TEX10: variants seen among roughly 807,000 people sequenced by gnomAD.
TEX10 encodes testis expressed 10, also known as testis-expressed protein 10.
TEX10 carries 24 observed loss-of-function variants against 104.4 expected under a neutral mutation model. The ratio of observed to expected loss-of-function variants is 0.23; its 90% CI spans 0.17 to 0.32. TEX10 has a LOEUF of 0.32. TEX10 is among the 10% of genes least tolerant of loss of function. The pLI is 1.00. For missense variants in TEX10, 921 were observed against 1,083.9 expected, an observed-to-expected ratio of 0.85 and a Z score of 2.11; for synonymous variants, 396 against 393.4, an observed-to-expected ratio of 1.01 and a Z score of -0.08.
chr9:100,325,686 A>G (rs972200012), intron 9 of TEX10, among the ~76,000 whole-genome samples: 3 of 152,194 alleles, frequency 2.0e-5, no homozygotes, highest in East Asian at 1.9e-4. Context: ...ATGCACCATC[A>G]TGCCCAGCTA....
At chr9:100,322,988 A>G (rs962878232) in intron 9 of TEX10, among the ~76,000 whole-genome samples, 9 of 152,196 alleles carry the variant, frequency 5.9e-5, no homozygotes, top group Admixed American at 5.2e-4. Flanking sequence ...TTCCCAGGTG[A>G]TAAGCAAAGG....
At chr9:100,310,573 G>T (rs1382394772) in intron 11 of TEX10, among the ~76,000 whole-genome samples, 194 bp from the exon 12 acceptor site, 1 of 152,048 alleles carries the variant, frequency 6.6e-6, no homozygotes, top group Non-Finnish European at 1.5e-5. Context: ...CAGTAGCTGG[G>T]ACTACAGGTG....
chr9:100,330,479 C>G (rs1387548772), intron 5 of TEX10, among the ~76,000 whole-genome samples: 2 of 151,990 alleles, frequency 1.3e-5, no homozygotes, highest in Non-Finnish European at 2.9e-5. Context: ...ACTTAAAAAC[C>G]CTGACACACC....
chr9:100,302,625 T>C (rs1834019306), intron 14 of TEX10, among the ~76,000 whole-genome samples: 1 of 152,142 alleles, frequency 6.6e-6, no homozygotes, highest in East Asian at 1.9e-4. Flanking sequence ...TAGTGTCTCA[T>C]GATCTTTACC....
chr9:100,323,306 T>G (rs1834619047), intron 9 of TEX10, among the ~76,000 whole-genome samples: 1 of 152,172 alleles, frequency 6.6e-6, no homozygotes. Flanking sequence ...TGGCGCTGAT[T>G]ATGCTGGGCC....
chr9:100,304,859 A>G (rs1834106050), intron 13 of TEX10: 3 of 152,224 alleles, frequency 2.0e-5, no homozygotes, highest in Admixed American at 2.0e-4. Context: ...TCCGTCTCAA[A>G]AAAAAAAATT....
At chr9:100,341,717 G>C (rs73658714) in intron 4 of TEX10, among the ~76,000 whole-genome samples, 2,077 of 152,198 alleles carry the variant, frequency 0.014, 33 homozygotes, top group African/African-American at 0.048. Flanking sequence ...CAGCCAGGGT[G>C]ATCTTTTAAA....
Position 100,346,159 on chromosome 9 carries a change from T to C in TEX10, c.1050A>G (p.Arg350=). The change falls in exon 4 of 15, where the codon CGA becomes CGG. Residue 350 remains arginine (R), a synonymous_variant. Transcript: ENST00000374902. ...LATPVGNGIE[R]EPLQVMQQVL... is the part of the protein sequence containing the mutation. ...CTTGCTGCATAACCTGTAGAGGTTC[T>C]CGTTCTATACCATTCCCAACAGGAG... 1 of 1,614,080 alleles carries C rather than the reference T, an allele frequency of 6.2e-7. No individual in the cohort carries two copies. Among genetic ancestry groups the C allele is most frequent in the Non-Finnish European group, 8.5e-7 (1 of 1,179,970 alleles).
At chr9:100,332,576 C>T (rs1834893338) in intron 5 of TEX10, among the ~76,000 whole-genome samples, 1 of 152,086 alleles carries the variant, frequency 6.6e-6, no homozygotes, top group Non-Finnish European at 1.5e-5. Flanking sequence ...AATCCCAACA[C>T]TCTGGGAGGC....
chr9:100,320,265 C>A lies in TEX10; in HGVS notation c.2202G>T (p.Glu734Asp). ...AGTTTCTTTTTAAATGAACTATTAC[C>A]TCTGTTACATCCCAGTGGTGTAAAA... ...DQFLHHWDVT[E>D]AVFHSLLVIP... is the part of the protein sequence containing the mutation. The change falls in exon 11 of 15, where the codon GAG becomes GAT. Residue 734 changes from glutamate to aspartate, a missense_variant and splice_region_variant. This residue lies in a region of TEX10 where 753 missense variants were observed against 868.4 expected (regional missense o/e 0.87). Coordinates refer to ENST00000374902, the MANE Select transcript of TEX10 (RefSeq NM_017746.4). 6.2e-7 allele frequency: 1 copy of A among 1,601,402 alleles called. No homozygotes were observed. The highest frequency in any genetic ancestry group is 1.1e-5 in the South Asian group (1 of 88,550).
At chr9:100,321,809 C>T in intron 9 of TEX10, 38 bp from the exon 10 acceptor site, 1 of 1,501,432 alleles carries the variant, frequency 6.7e-7, no homozygotes, top group East Asian at 2.3e-5. Flanking sequence ...CCAGAAGTGA[C>T]CAACTTGACA....
intron 4 of TEX10, among the ~76,000 whole-genome samples, chr9:100,344,715 G>A (rs10118398): frequency 0.45 from 69,083 of 151,916 alleles, 17,392 homozygotes; most frequent in East Asian, 0.89. Flanking sequence ...GCATGGTGGC[G>A]GGCACCTGTA....
Position 100,308,513 on chromosome 9 carries a change from G to A in TEX10, c.2452C>T (p.His818Tyr), listed in dbSNP as rs138637921. The change falls in exon 13 of 15, where the codon CAT becomes TAT. Residue 818 changes from histidine (H) to tyrosine (Y), a missense_variant. By Grantham distance (83) the His-to-Tyr change is moderately conservative (BLOSUM62 2). Transcript: ENST00000374902. The stretch of plus-strand genomic sequence containing the variant: ...AAAAATAATTACCTCTTTCTTAGAT[G>A]TTCTGCTTCCCCTTTCTCTATAGTG... ...LLTIEKGEAE[H>Y]LRKRDKLWGV... 2.5e-6 allele frequency: 4 copies of A among 1,588,350 alleles called. No individual in the cohort carries two copies. The highest frequency in any genetic ancestry group is 2.6e-6 in the Non-Finnish European group (3 of 1,172,104).
At chr9:100,305,035 A>G (rs1350415644) in intron 13 of TEX10, 2 of 152,292 alleles carry the variant, frequency 1.3e-5, no homozygotes, top group South Asian at 2.1e-4. Flanking sequence ...AATCAAGAAC[A>G]TCATTCTCTC....
At chr9:100,342,308 C>T (rs1421111675) in intron 4 of TEX10, among the ~76,000 whole-genome samples, 1 of 152,192 alleles carries the variant, frequency 6.6e-6, no homozygotes, top group African/African-American at 2.4e-5. Flanking sequence ...ATCTTTCTTC[C>T]TAGTACTGAC....
intron 11 of TEX10, among the ~76,000 whole-genome samples, chr9:100,314,072 GTTC>G (rs1834350613): frequency 7.0e-6 from 1 of 143,248 alleles, no homozygotes; most frequent in African/African-American, 2.6e-5. Context: ...TGGGCTTTTT[GTTC>G]TTTGGAGATT....
chr9:100,332,731 G>C (rs1834898473), intron 5 of TEX10, among the ~76,000 whole-genome samples: 1 of 151,882 alleles, frequency 6.6e-6, no homozygotes, highest in Non-Finnish European at 1.5e-5. Flanking sequence ...TGAGCCAGGA[G>C]AATAGCGTGA....
chr9:100,308,574 C>T lies in TEX10; in HGVS notation c.2391G>A (p.Leu797=), dbSNP rs1412652756. ...AAAGAAGACTGTAGCAACAAGAAGC[C>T]AGAAATGGCAGTAGAGTCTCACTAA... ...CVVSETLLPF[L]ASCCYSLLYF... The change falls in exon 13 of 15, where the codon CTG becomes CTA. Residue 797 remains leucine, a synonymous_variant. Transcript: ENST00000374902. 1 of 1,612,942 alleles carries T rather than the reference C, an allele frequency of 6.2e-7. No homozygotes were observed. Among genetic ancestry groups the T allele is most frequent in the South Asian group, 1.1e-5 (1 of 90,888 alleles).
chr9:100,304,626 T>G (rs1273031435), intron 13 of TEX10: 1 of 152,188 alleles, frequency 6.6e-6, no homozygotes, highest in Non-Finnish European at 1.5e-5. Flanking sequence ...TTTGGGAGGC[T>G]GAGGCAGGTG....
Sources: allele counts gnomAD v4.1 joint callset (sites outside exome capture counted in the v4.1 genomes callset), GRCh38; gene constraint gnomAD v4.1.1; regional missense constraint gnomAD v4.1.1; transcripts MANE v1.5; gene names NCBI Gene and HGNC (gene_info 2026-07-23, HGNC 2026-07-21).